The following IL9R variants were observed in gnomAD, a reference collection of about 807,000 sequenced individuals.
IL9R encodes the protein interleukin-9 receptor.
Under a neutral mutation model 56.3 loss-of-function variants are expected in IL9R, and 54 were observed. That is an observed-to-expected ratio of 0.96 (90% CI 0.77 to 1.20). The LOEUF (loss-of-function observed/expected upper bound fraction) is 1.20. IL9R is among the 50% of genes most tolerant of loss of function. The probability of loss-of-function intolerance (pLI) is 0.00; values close to 1 mark genes in which losing one functional copy is unlikely to be tolerated. For missense variants in IL9R, 545 were observed against 629.8 expected (o/e 0.87, Z 1.44); for synonymous variants, 212 against 250.2 (o/e 0.85, Z 1.44).
In IL9R at chrX:156,003,690, G is replaced by A; in HGVS notation, c.268G>A (p.Gly90Ser). 6.2e-7 allele frequency: 1 copy of A among 1,613,174 alleles called. No homozygotes were observed. Among genetic ancestry groups the A allele is most frequent in the Non-Finnish European group, 8.5e-7 (1 of 1,179,490 alleles). Reference protein sequence around the residue: ...WLLFTSNQAPGGTHKCILRGS... With the variant: ...WLLFTSNQAPSGTHKCILRGS... The stretch of plus-strand genomic sequence containing the variant: ...TGCCCTTTCCAGCAACCAGGCTCCT[G>A]GCGGCACACATAAGTGCATCTTGCG... The change falls in exon 4 of 9, where the codon GGC becomes AGC. Residue 90 changes from glycine to serine, a missense_variant. Transcript: ENST00000244174.
chrX:156,002,358 A>AG (rs1483791330), intron 1 of IL9R, among the ~76,000 whole-genome samples: 8 of 151,874 alleles, frequency 5.3e-5, no homozygotes, highest in Non-Finnish European at 8.8e-5. Flanking sequence ...AAAAAAAAAA[A>AG]TTTGCTTAGA....
At chrX:155,997,864 C>G in intron 1 of IL9R, 77 bp downstream of exon 1, 2 of 1,370,914 alleles carry the variant, frequency 1.5e-6, no homozygotes, top group African/African-American at 1.4e-5. Flanking sequence ...ATGTGGCCCT[C>G]CAACTCGGGG....
At chrX:156,002,629 G>C (rs2067610705) in intron 1 of IL9R, among the ~76,000 whole-genome samples, 1 of 152,210 alleles carries the variant, frequency 6.6e-6, no homozygotes, top group East Asian at 1.9e-4. Flanking sequence ...TGGAGACCTA[G>C]CTGAGTCAGA....
At chrX:156,009,199 G>GTA (rs1464534699) in intron 8 of IL9R, among the ~76,000 whole-genome samples, 1 of 148,248 alleles carries the variant, frequency 6.7e-6, no homozygotes, top group Non-Finnish European at 1.5e-5. Flanking sequence ...GTCTGTGTGT[G>GTA]TATGTGTCTG....
intron 8 of IL9R, among the ~76,000 whole-genome samples, chrX:156,009,187 GTGTC>G (rs1296428489): frequency 4.7e-5 from 7 of 148,062 alleles, no homozygotes; most frequent in African/African-American, 1.5e-4. Context: ...GTGTGTCTGT[GTGTC>G]TGTGTGTGTA....
At chrX:156,008,943 ATGTC>A (rs1290530634) in intron 8 of IL9R, among the ~76,000 whole-genome samples, 4 of 77,216 alleles carry the variant, frequency 5.2e-5, no homozygotes, top group Admixed American at 2.3e-4. Flanking sequence ...TTGTGTGTGT[ATGTC>A]TGTGTGTGTG....
chrX:156,002,953 C>T lies in IL9R; in HGVS notation c.76C>T (p.Leu26Phe), dbSNP rs780761089. 3 of 1,613,902 alleles carry T rather than the reference C, an allele frequency of 1.9e-6. No homozygotes were observed. Among genetic ancestry groups the T allele is most frequent in the Admixed American group, 1.7e-5 (1 of 60,016 alleles). Residue 26 changes from leucine to phenylalanine, a missense_variant, in exon 2 of 9, where the codon CTC becomes TTC. Leu to Phe is a conservative substitution (Grantham distance 22). Transcript: ENST00000244174. ...EALRRDMGTW[L>F]LACICICTCV... ...CCTGAGGCGAGACATGGGCACCTGG[C>T]TCCTGGCCTGCATCTGCATCTGCAC...
chrX:156,004,681 A>G (rs1447341414), intron 5 of IL9R, 116 bp downstream of exon 5: 3 of 1,051,042 alleles, frequency 2.9e-6, no homozygotes, highest in Admixed American at 2.0e-5. Flanking sequence ...GGGAGGAACT[A>G]GAGCGGGGTG....
At chrX:156,005,570 C>T (rs2067874644) in intron 6 of IL9R, 91 bp downstream of exon 6, 2 of 1,055,206 alleles carry the variant, frequency 1.9e-6, no homozygotes, top group East Asian at 2.5e-5. Flanking sequence ...CTTTCACCCT[C>T]CTGTAAGCCC....
At chrX:156,000,449 A>G (rs1274890885) in intron 1 of IL9R, among the ~76,000 whole-genome samples, 3 of 152,176 alleles carry the variant, frequency 2.0e-5, no homozygotes, top group Admixed American at 2.0e-4. Context: ...TGGGGCTCTG[A>G]GAACAGACCA....
intron 1 of IL9R, chrX:156,001,348 A>T: frequency 8.7e-7 from 1 of 1,148,892 alleles, no homozygotes; most frequent in East Asian, 2.3e-5. Context: ...GGTGACTCCA[A>T]CCCTGCCCTC....
At chrX:156,009,268 GTGTGTGTA>G (rs2068297626) in intron 8 of IL9R, among the ~76,000 whole-genome samples, 1 of 125,856 alleles carries the variant, frequency 7.9e-6, no homozygotes, top group Non-Finnish European at 1.6e-5. Flanking sequence ...GTGTGTGTTT[GTGTGTGTA>G]TGTCTGTGTG....
rs1259533626 is a variant in IL9R at position 156,007,420 on chromosome X, G to A, written c.888-103G>A. On this transcript the variant is annotated intron_variant, in intron 7 of 8. Coordinates refer to ENST00000244174, the MANE Select transcript of IL9R (RefSeq NM_002186.3). ...ATGGGAGAGAGGCAGTGGCAGGGAC[G>A]AGGTGGGCGGACCTCCTGCTGATGG... 67 of 790,834 alleles carry A rather than the reference G, an allele frequency of 8.5e-5. No individual in the cohort carries two copies. In the Admixed American group the frequency reaches 8.8e-4, roughly 10 times the overall value. The allele number at this position is 790,834 out of a possible 1,614,324, so 49.0% of individuals were successfully genotyped here.
At chrX:156,002,849 G>A (rs759508914) in intron 1 of IL9R, 57 bp from the exon 2 acceptor site, 6 of 1,611,436 alleles carry the variant, frequency 3.7e-6, no homozygotes, top group African/African-American at 1.3e-5. Context: ...AATTCATGGG[G>A]AGCACCCCTC....
Position 155,997,730 on chromosome X carries a change from C to T in IL9R, c.-30C>T, listed in dbSNP as rs367552655. ...CCAGAGATAGTTGGGTGACAAATCA[C>T]CTCCAGGTTGGGGATGCCTCAGACT... On this transcript the variant is annotated 5_prime_UTR_variant, in exon 1 of 9. Transcript: ENST00000244174. 6 of 1,612,446 alleles carry T rather than the reference C, an allele frequency of 3.7e-6. No homozygotes were observed. The African/African-American group carries it at 6.7e-5, about 18-fold the overall frequency.
rs2067636511 is a variant in IL9R at position 156,002,950 on chromosome X, T to A, written c.73T>A (p.Trp25Arg). The A allele has an allele frequency of 3.1e-6, 5 of 1,613,812 alleles. No homozygotes were observed. The highest frequency in any genetic ancestry group is 1.3e-5 in the African/African-American group (1 of 74,914). The change falls in exon 2 of 9, where the codon TGG becomes AGG. Residue 25 changes from tryptophan to arginine, a missense_variant. Coordinates refer to ENST00000244174, the MANE Select transcript of IL9R (RefSeq NM_002186.3). Reference protein sequence around the residue: ...SEALRRDMGTWLLACICICTC... With the variant: ...SEALRRDMGTRLLACICICTC... Reference sequence around the variant, plus strand: ...GGCCCTGAGGCGAGACATGGGCACCTGGCTCCTGGCCTGCATCTGCATCTG... The same window carrying A: ...GGCCCTGAGGCGAGACATGGGCACCAGGCTCCTGGCCTGCATCTGCATCTG...
chrX:156,009,051 CTGTGTGTGTT>C (rs1397130356), intron 8 of IL9R, among the ~76,000 whole-genome samples: 11 of 99,384 alleles, frequency 1.1e-4, no homozygotes, highest in African/African-American at 8.8e-5. Flanking sequence ...GTGTTTGTGT[CTGTGTGTGTT>C]TGTGTGTGTG....
intron 1 of IL9R, 22 bp downstream of exon 1, chrX:155,997,809 C>A: frequency 1.9e-6 from 3 of 1,609,804 alleles, no homozygotes; most frequent in Non-Finnish European, 2.6e-6. Flanking sequence ...CTTTGGGCTT[C>A]CCAACCTCTC....
intron 8 of IL9R, among the ~76,000 whole-genome samples, chrX:156,009,293 TG>T (rs1454685929): frequency 6.1e-5 from 9 of 148,508 alleles, no homozygotes; most frequent in South Asian, 2.1e-4. Flanking sequence ...TGTGTGTGTG[TG>T]TTTATGTGTG....
Sources: allele counts gnomAD v4.1 joint callset (sites outside exome capture counted in the v4.1 genomes callset), GRCh38; gene constraint gnomAD v4.1.1; transcripts MANE v1.5; gene names NCBI Gene and HGNC (gene_info 2026-07-23, HGNC 2026-07-21).